The following HAP1 variants were observed in gnomAD, a reference collection of about 807,000 sequenced individuals.
HAP1 encodes huntingtin associated protein 1.
In HAP1, 59 loss-of-function variants were observed where a neutral mutation model predicts 60.3. That is an observed-to-expected ratio of 0.98 (90% CI 0.79 to 1.22). The LOEUF is 1.22. Ranked by LOEUF, HAP1 falls within the 50% of genes most tolerant of loss-of-function variation. The probability of loss-of-function intolerance (pLI) is 0.00; values close to 1 mark genes in which losing one functional copy is unlikely to be tolerated. For missense variants in HAP1, 825 were observed against 785.3 expected (o/e 1.05, Z -0.60); for synonymous variants, 346 against 330.6 (o/e 1.05, Z -0.50).
chr17:41,732,467 G>T, intron 2 of HAP1, 73 bp from the exon 3 acceptor site: 1 of 1,499,994 alleles, frequency 6.7e-7, no homozygotes, highest in Non-Finnish European at 9.1e-7. Context: ...GTTCTCTAGG[G>T]TACCAGACCA....
rs368895537 is a variant in HAP1, at chr17:41,724,900, T to G, written c.1661A>C (p.Asn554Thr). Residue 554 changes from asparagine to threonine, a missense_variant, in exon 11 of 11, where the codon AAC becomes ACC. Transcript: ENST00000347901. ...GGCCTCCAGGGCTGATGTCACCACG[T>G]TCATCCGCGTTGCCTCATCCAGCTC... is the stretch of plus-strand genomic sequence containing the variant. ...ELELDEATRM[N>T]VVTSALEASG... 3.2e-5 allele frequency: 52 copies of G among 1,613,540 alleles called. No individual in the cohort carries two copies. Among genetic ancestry groups the G allele is most frequent in the Non-Finnish European group, 4.2e-5 (50 of 1,180,006 alleles).
intron 8 of HAP1, 187 bp downstream of exon 8, chr17:41,727,575 C>T (rs575451748): frequency 1.5e-6 from 1 of 665,916 alleles, no homozygotes; most frequent in East Asian, 2.7e-5. Flanking sequence ...TCCCTGCACT[C>T]CACACCACTC....
Position 41,732,792 on chromosome 17 carries a change from C to T in HAP1, c.476G>A (p.Cys159Tyr). 3 of 1,604,052 alleles carry T rather than the reference C, an allele frequency of 1.9e-6. No individual in the cohort carries two copies. The highest frequency in any genetic ancestry group is 1.1e-5 in the South Asian group (1 of 90,912). ...TTTGACTGGCGGAGGTAGGTTAGGA[C>T]ACAGTGCTGCAGGAGGCGGCAGGTG... is the stretch of plus-strand genomic sequence containing the variant. ...AFIRELEEAL[C>Y]PNLPPPVKKI... Residue 159 changes from cysteine to tyrosine, a missense_variant, in exon 2 of 11, where the codon TGT becomes TAT. Physicochemically the swap from Cys to Tyr is radical, Grantham distance 194 (BLOSUM62 -2). Transcript: ENST00000347901.
intron 5 of HAP1, 21 bp downstream of exon 5, chr17:41,731,617 G>T: frequency 3.8e-6 from 6 of 1,598,794 alleles, no homozygotes; most frequent in Non-Finnish European, 5.1e-6. Flanking sequence ...TAGCAGGGAC[G>T]CCCTCCTCCC....
intron 10 of HAP1, among the ~76,000 whole-genome samples, chr17:41,725,647 C>T (rs560782937): frequency 2.0e-5 from 3 of 152,288 alleles, no homozygotes; most frequent in South Asian, 4.1e-4. Flanking sequence ...AGCTTCAGTC[C>T]CCACTCAGAG....
Position 41,724,639 on chromosome 17 carries a change from C to A in HAP1, c.*62G>T. ...GATATGCAAAGTCCATGCAAATAAG[C>A]ACAGCAGGTAGAGCCAGGCTGGGGC... On this transcript the variant is annotated 3_prime_UTR_variant, in exon 11 of 11. Coordinates refer to ENST00000347901, the MANE Select transcript of HAP1 (RefSeq NM_177977.3). 1 of 1,234,240 alleles carries A rather than the reference C, an allele frequency of 8.1e-7. No individual in the cohort carries two copies. Among genetic ancestry groups the A allele is most frequent in the African/African-American group, 1.5e-5 (1 of 67,054 alleles). The allele number at this position is 1,234,240 out of a possible 1,614,324, so 76.5% of individuals were successfully genotyped here. A position where few individuals can be genotyped will look rare whatever the true frequency, so the allele number is the denominator to read the frequency against.
chr17:41,725,940 GA>G (rs1567780291), intron 9 of HAP1, 43 bp from the exon 10 acceptor site: 2 of 1,429,858 alleles, frequency 1.4e-6, no homozygotes, highest in Admixed American at 1.7e-5. Context: ...AATGGAAGCC[GA>G]AACTGCAGTC....
chr17:41,720,423 G>A (rs1555586805), downstream of HAP1, among the ~76,000 whole-genome samples: 1 of 150,702 alleles, frequency 6.6e-6, no homozygotes, highest in Admixed American at 6.6e-5. Context: ...TTGAACTCCT[G>A]ACCTCAGGTG....
Position 41,727,141 on chromosome 17 carries a change from T to A in HAP1, c.1279A>T (p.Thr427Ser). 1 of 1,555,470 alleles carries A rather than the reference T, an allele frequency of 6.4e-7. No homozygotes were observed. ...EIQMQLQEEE[T>S]LPGFQETLAE... ...AGCGTCTCCTGGAAACCAGGAAGAG[T>A]CTCCTATGGTGGAGAGAACAGACGT... Residue 427 changes from threonine to serine, a missense_variant, in exon 9 of 11, where the codon ACT becomes TCT. Coordinates refer to ENST00000347901, the MANE Select transcript of HAP1 (RefSeq NM_177977.3).
intron 8 of HAP1, chr17:41,727,368 A>T (rs782599677): frequency 9.0e-6 from 7 of 780,518 alleles, no homozygotes; most frequent in Middle Eastern, 2.3e-4. Context: ...GAGGGTCTTC[A>T]CCTCCTCCTG....
At chr17:41,730,809 G>A (rs1394047828) in intron 6 of HAP1, among the ~76,000 whole-genome samples, 4 of 152,180 alleles carry the variant, frequency 2.6e-5, no homozygotes, top group African/African-American at 4.8e-5. Flanking sequence ...CCACTGCCCC[G>A]TGCATGACTC....
At position 41,734,148 on chromosome 17, in the gene HAP1, C is replaced by T. The variant is rs1018656282; in HGVS notation, c.469+18G>A. ...CCCCAGTCCCCACCCGGTCCAGGAC[C>T]CCGGGGGCCCGATTTACCTTCCTCC... is the stretch of plus-strand genomic sequence containing the variant. On this transcript the variant is annotated intron_variant, in intron 1 of 10. Coordinates refer to ENST00000347901, the MANE Select transcript of HAP1 (RefSeq NM_177977.3). 1 of 1,556,402 alleles carries T rather than the reference C, an allele frequency of 6.4e-7. No individual in the cohort carries two copies. Among genetic ancestry groups the T allele is most frequent in the Non-Finnish European group, 8.7e-7 (1 of 1,146,716 alleles).
downstream of HAP1, among the ~76,000 whole-genome samples, chr17:41,719,416 G>A (rs1911108435): frequency 6.6e-6 from 1 of 152,190 alleles, no homozygotes; most frequent in Non-Finnish European, 1.5e-5. Context: ...AATTTGGCCA[G>A]CCGCAGTGGC....
Position 41,731,974 on chromosome 17 carries a change from C to CT in HAP1, c.858dup (p.Asp287ArgfsTer9). On this transcript the variant is annotated frameshift_variant, in exon 4 of 11. Coordinates refer to ENST00000347901, the MANE Select transcript of HAP1 (RefSeq NM_177977.3). LOFTEE classifies it high-confidence loss of function. ...TCACAGGGATGAGCACACTGCAGGT[C>CT]TTCCTCTGCTTCTTCTTCTTCCTGT... The CT allele has an allele frequency of 8.9e-7, 1 of 1,121,898 alleles. No homozygotes were observed. Among genetic ancestry groups the CT allele is most frequent in the Non-Finnish European group, 1.3e-6 (1 of 745,950 alleles). 69.5% of individuals were successfully genotyped at this position (1,121,898 alleles called of 1,614,324 possible).
At chr17:41,727,229 C>T (rs1911722091) in intron 8 of HAP1, 85 bp from the exon 9 acceptor site, 1 of 824,762 alleles carries the variant, frequency 1.2e-6, no homozygotes, top group Non-Finnish European at 2.2e-6. Flanking sequence ...ACTGGGATCT[C>T]AATCAGCCAC....
At chr17:41,727,488 C>T in intron 8 of HAP1, 1 of 769,156 alleles carries the variant, frequency 1.3e-6, no homozygotes, top group South Asian at 1.4e-5. Context: ...TCCAGCACTC[C>T]TGCCTATCTG....
intron 10 of HAP1, among the ~76,000 whole-genome samples, 172 bp downstream of exon 10, chr17:41,725,687 G>A (rs1035969130): frequency 2.6e-5 from 4 of 152,302 alleles, no homozygotes; most frequent in Admixed American, 2.0e-4. Flanking sequence ...CACCCAGGGG[G>A]CAAGATTTGA....
rs1555592236 is a variant in HAP1, at chr17:41,734,536, G to C, written c.99C>G (p.Pro33=). Residue 33 remains proline (P), a synonymous_variant, in exon 1 of 11, where the codon CCC becomes CCG. Coordinates refer to ENST00000347901, the MANE Select transcript of HAP1 (RefSeq NM_177977.3). ...GCGGCTGCGCAGAGGGCTCCGGAGC[G>C]GGACTGGCTGAGGGCGAAGGTGCAC... The part of the protein sequence containing the change: ...LTCAPSPSAS[P]APEPSAQPQA... 14 of 1,610,792 alleles carry C rather than the reference G, an allele frequency of 8.7e-6. No homozygotes were observed. Among genetic ancestry groups the C allele is most frequent in the Non-Finnish European group, 1.2e-5 (14 of 1,179,480 alleles).
chr17:41,721,126 CAG>C (rs1329789741), downstream of HAP1: 1 of 152,204 alleles, frequency 6.6e-6, no homozygotes, highest in African/African-American at 2.4e-5. Context: ...TACTGTCCCC[CAG>C]AGTTCCCAGC....
Sources: allele counts gnomAD v4.1 joint callset (sites outside exome capture counted in the v4.1 genomes callset), GRCh38; gene constraint gnomAD v4.1.1; transcripts MANE v1.5; gene names NCBI Gene and HGNC (gene_info 2026-07-23, HGNC 2026-07-21).